The following KMT2D variants were observed in gnomAD, a reference collection of about 807,000 sequenced individuals.
The protein encoded by KMT2D is lysine methyltransferase 2D, also known as histone-lysine N-methyltransferase 2D.
A neutral mutation model predicts 512.7 loss-of-function variants in KMT2D; 55 were observed. The ratio of observed to expected loss-of-function variants is 0.11; its 90% CI spans 0.09 to 0.13. The LOEUF is 0.13. KMT2D is among the 10% of genes least tolerant of loss of function. KMT2D has a pLI of 1.00. For synonymous variants in KMT2D, 2,995 were observed against 2,904.0 expected, an observed-to-expected ratio of 1.03 and a Z score of -1.01; for missense variants, 6,061 against 7,127.9, an observed-to-expected ratio of 0.85 and a Z score of 5.39.
At chr12:49,043,224 G>T (rs762810498) in intron 25 of KMT2D, 38 bp from the exon 26 acceptor site, 1 of 1,584,352 alleles carries the variant, frequency 6.3e-7, no homozygotes, top group Non-Finnish European at 8.7e-7. Context: ...TCAAGGCCAG[G>T]ATGGGTCATG....
chr12:49,028,243 C>T lies in KMT2D; in HGVS notation c.14383-102G>A, dbSNP rs1216605774. ...GGACAAGGACACCTAGAACCCACTCCCCAGGGTAGTTCTATCCTATGTCAC... is the reference window on the plus strand; with the variant it reads ...GGACAAGGACACCTAGAACCCACTCTCCAGGGTAGTTCTATCCTATGTCAC... On this transcript the variant is annotated intron_variant, in intron 46 of 54. Transcript: ENST00000301067. 2.3e-5 allele frequency: 32 copies of T among 1,407,418 alleles called. 2 individuals carry two copies. The South Asian group carries it at 2.6e-4, about 11-fold the overall frequency. The allele number at this position is 1,407,418 out of a possible 1,614,324, so 87.2% of individuals were successfully genotyped here.
At chr12:49,028,280 CAT>C in intron 46 of KMT2D, 139 bp from the exon 47 acceptor site, 1 of 1,043,162 alleles carries the variant, frequency 9.6e-7, no homozygotes, top group South Asian at 1.6e-5. Flanking sequence ...CAGCTCTTTT[CAT>C]ACACTTCCCT....
chr12:49,019,773 T>C lies in KMT2D; in HGVS notation c.*2007A>G. The C allele has an allele frequency of 4.3e-6, 1 of 232,570 alleles. No homozygotes were observed. The highest frequency in any genetic ancestry group is 6.1e-5 in the East Asian group (1 of 16,486). 14.4% of individuals were successfully genotyped at this position (232,570 alleles called of 1,614,324 possible). ...TGTTATTCTCTTAAACATTTGCAGCTTGAAACAGTTGAGGAAGCAGCTTTA... is the reference window on the plus strand; with the variant it reads ...TGTTATTCTCTTAAACATTTGCAGCCTGAAACAGTTGAGGAAGCAGCTTTA... On this transcript the variant is annotated 3_prime_UTR_variant, in exon 55 of 55. Coordinates refer to ENST00000301067, the MANE Select transcript of KMT2D (RefSeq NM_003482.4).
rs727503982 is a variant in KMT2D, at chr12:49,032,444, G to T, written c.12261C>A (p.Ser4087Arg). ...LVQPQPQPQP[S>R]SLQLQPPLRL... ...TCAGAGGTGGCTGCAGCTGCAGAGA[G>T]CTGGGCTGAGGCTGGGGCTGGGGTT... The change falls in exon 40 of 55, where the codon AGC becomes AGA. Residue 4087 changes from serine to arginine, a missense_variant. This residue lies in a region of KMT2D where 1,600 missense variants were observed against 1,754.9 expected (regional missense o/e 0.91). Transcript: ENST00000301067. The T allele has an allele frequency of 2.5e-6, 4 of 1,572,750 alleles. No homozygotes were observed. Among genetic ancestry groups the T allele is most frequent in the Non-Finnish European group, 3.5e-6 (4 of 1,158,814 alleles).
chr12:49,022,818 G>A lies in KMT2D; in HGVS notation c.16110C>T (p.Gly5370=), dbSNP rs372456802. ...MSKAYQSTFT[G]ETNTPYSKQF... ...GCTTGCTGTAGGGGGTGTTGGTCTC[G>A]CCTGTGAAGGTGCTCTGATATGCCT... Residue 5370 remains glycine (G), a synonymous_variant, in exon 52 of 55, where the codon GGC becomes GGT. Coordinates refer to ENST00000301067, the MANE Select transcript of KMT2D (RefSeq NM_003482.4). The surrounding 1 kb of genome is among the most constrained non-coding windows in gnomAD (Gnocchi z 8.6). 1.1e-5 allele frequency: 17 copies of A among 1,613,470 alleles called. No individual in the cohort carries two copies. Among genetic ancestry groups the A allele is most frequent in the South Asian group, 2.2e-5 (2 of 91,056 alleles).
rs1220213628 is a variant in KMT2D at position 49,022,740 on chromosome 12, C to T, written c.16188G>A (p.Lys5396=). The T allele has an allele frequency of 6.2e-7, 1 of 1,614,020 alleles. No homozygotes were observed. The highest frequency in any genetic ancestry group is 1.3e-5 in the African/African-American group (1 of 75,054). The change falls in exon 52 of 55, where the codon AAG becomes AAA. Residue 5396 remains lysine, a synonymous_variant. Coordinates refer to ENST00000301067, the MANE Select transcript of KMT2D (RefSeq NM_003482.4). The surrounding 1 kb of genome is among the most constrained non-coding windows in gnomAD (Gnocchi z 8.6). ...SQYRRLRTEW[K]NNVYLARSRI... ...GGGAGCGAGCCAGGTACACGTTGTT[C>T]TTCCATTCGGTGCGCAGCCGCCGGT...
chr12:49,025,275 G>C (rs1396890345), intron 49 of KMT2D, among the ~76,000 whole-genome samples: 1 of 152,200 alleles, frequency 6.6e-6, no homozygotes, highest in Non-Finnish European at 1.5e-5. Context: ...TACTGGTCAT[G>C]AGACCTTGAG....
At chr12:49,055,432 G>C in intron 1 of KMT2D, 71 bp from the exon 2 acceptor site, 1 of 981,152 alleles carries the variant, frequency 1.0e-6, no homozygotes, top group Non-Finnish European at 1.5e-6. Flanking sequence ...CAGAATCCTG[G>C]GAAGAAGGCA....
In KMT2D at chr12:49,018,999, A is replaced by G; in HGVS notation, c.*2781T>C. ...CTTGTATTTAAAATGTTCTTTTTTT[A>G]TTTGTCGTTTAAAAACAAACTTGGA... is the stretch of plus-strand genomic sequence containing the variant. On this transcript the variant is annotated 3_prime_UTR_variant, in exon 55 of 55. Transcript: ENST00000301067. 7.1e-7 allele frequency: 1 copy of G among 1,401,194 alleles called. No homozygotes were observed. The highest frequency in any genetic ancestry group is 9.2e-7 in the Non-Finnish European group (1 of 1,081,714). The allele number at this position is 1,401,194 out of a possible 1,614,324, so 86.8% of individuals were successfully genotyped here. A position where few individuals can be genotyped will look rare whatever the true frequency, so the allele number is the denominator to read the frequency against.
In KMT2D at chr12:49,019,691, C is replaced by T. The variant is rs1357695341; in HGVS notation, c.*2089G>A. On this transcript the variant is annotated 3_prime_UTR_variant, in exon 55 of 55. Coordinates refer to ENST00000301067, the MANE Select transcript of KMT2D (RefSeq NM_003482.4). The stretch of plus-strand genomic sequence containing the variant: ...CCAAGGGCTGTGGCTTTGAGGGCAG[C>T]AGCCCAGTCTTCCTACTGTCTGATT... 8.6e-6 allele frequency: 2 copies of T among 231,884 alleles called. No homozygotes were observed. The highest frequency in any genetic ancestry group is 1.7e-5 in the Non-Finnish European group (2 of 116,954). 14.4% of individuals were successfully genotyped at this position (231,884 alleles called of 1,614,324 possible). A position where few individuals can be genotyped will look rare whatever the true frequency, so the allele number is the denominator to read the frequency against.
rs752428122 is a variant in KMT2D at position 49,037,926 on chromosome 12, C to T, written c.9430G>A (p.Ala3144Thr). The T allele has an allele frequency of 1.5e-5, 24 of 1,604,260 alleles. No homozygotes were observed. Among genetic ancestry groups the T allele is most frequent in the Middle Eastern group, 3.3e-4 (2 of 6,080 alleles). Residue 3144 changes from alanine (A) to threonine (T), a missense_variant, in exon 35 of 55, where the codon GCA becomes ACA. Ala to Thr is a moderately conservative substitution (Grantham distance 58, BLOSUM62 0). Transcript: ENST00000301067. Reference sequence around the variant, plus strand: ...AGGCCAAGGGAATTGGCAGCAGGTGCGGGCTCTACCTTGGGGGTAGCAATG... The same window carrying T: ...AGGCCAAGGGAATTGGCAGCAGGTGTGGGCTCTACCTTGGGGGTAGCAATG... ...FTIATPKVEP[A>T]PAANSLGLGL...
intron 35 of KMT2D, among the ~76,000 whole-genome samples, chr12:49,036,698 T>A (rs1407205279): frequency 6.6e-6 from 1 of 151,852 alleles, no homozygotes; most frequent in Non-Finnish European, 1.5e-5. Context: ...TGGGGTTTCA[T>A]CATCTTGGCC....
rs2120532950 is a variant in KMT2D, at chr12:49,040,705, G to A, written c.7065C>T (p.Ala2355=). 1.2e-6 allele frequency: 2 copies of A among 1,613,758 alleles called. No homozygotes were observed. The highest frequency in any genetic ancestry group is 1.1e-5 in the South Asian group (1 of 91,078). Residue 2355 remains alanine, a synonymous_variant, in exon 32 of 55, where the codon GCC becomes GCT. Coordinates refer to ENST00000301067, the MANE Select transcript of KMT2D (RefSeq NM_003482.4). The part of the protein sequence containing the change: ...LGLRPQEPPP[A]QALAPSPPSH... ...TTGGAGGAGAAGGTGCCAAAGCCTG[G>A]GCAGGGGGTGGCTCCTGGGGCCTTA... is the stretch of plus-strand genomic sequence containing the variant.
intron 40 of KMT2D, 22 bp from the exon 41 acceptor site, chr12:49,031,055 A>T (rs2120414428): frequency 6.2e-7 from 1 of 1,613,430 alleles, no homozygotes; most frequent in Non-Finnish European, 8.5e-7. Flanking sequence ...AAGCCCATTG[A>T]AGGCTGCTAC....
At position 49,037,775 on chromosome 12, in the gene KMT2D, T is replaced by C. The variant is rs2120485490; in HGVS notation, c.9581A>G (p.His3194Arg). ...ACTCAGTGGGCTGGGGGTCAGCAGG[T>C]GAGCTGGTGGTCCTCCCGTGGCCCC... ...SFGATGGPPA[H>R]LLTPSPLSGP... Residue 3194 changes from histidine (H) to arginine (R), a missense_variant, in exon 35 of 55, where the codon CAC becomes CGC. Coordinates refer to ENST00000301067, the MANE Select transcript of KMT2D (RefSeq NM_003482.4). 1 of 1,595,244 alleles carries C rather than the reference T, an allele frequency of 6.3e-7. No individual in the cohort carries two copies. The highest frequency in any genetic ancestry group is 8.5e-7 in the Non-Finnish European group (1 of 1,170,636).
At position 49,032,054 on chromosome 12, in the gene KMT2D, C is replaced by A. The variant is rs1389263985; in HGVS notation, c.12651G>T (p.Gln4217His). Residue 4217 changes from glutamine (Q) to histidine (H), a missense_variant, in exon 40 of 55, where the codon CAG becomes CAT. Physicochemically the swap from Gln to His is conservative, Grantham distance 24. Transcript: ENST00000301067. ...KNPQLRHLSP[Q>H]QQQQLQALLM... is the part of the protein sequence containing the mutation. ...GGAGTGCCTGTAGCTGCTGCTGCTG[C>A]TGAGGACTTAAGTGCCGCAGCTGTG... 2 of 1,613,556 alleles carry A rather than the reference C, an allele frequency of 1.2e-6. No homozygotes were observed. The highest frequency in any genetic ancestry group is 8.5e-7 in the Non-Finnish European group (1 of 1,179,664).
chr12:49,042,418 G>A lies in KMT2D; in HGVS notation c.5868-88C>T. On this transcript the variant is annotated intron_variant, in intron 28 of 54. Coordinates refer to ENST00000301067, the MANE Select transcript of KMT2D (RefSeq NM_003482.4). The surrounding 1 kb of genome is among the most constrained non-coding windows in gnomAD (Gnocchi z 4.4). Reference sequence around the variant, plus strand: ...GCCTAGAGCCCCAGGCCACTGCCCTGCCCCAAAAGAGGAGGGTCACTAACA... The same window carrying A: ...GCCTAGAGCCCCAGGCCACTGCCCTACCCCAAAAGAGGAGGGTCACTAACA... The A allele has an allele frequency of 6.7e-7, 1 of 1,502,178 alleles. No homozygotes were observed. The highest frequency in any genetic ancestry group is 1.3e-5 in the South Asian group (1 of 76,544). The allele number at this position is 1,502,178 out of a possible 1,614,324, so 93.1% of individuals were successfully genotyped here. A position where few individuals can be genotyped will look rare whatever the true frequency, so the allele number is the denominator to read the frequency against.
In KMT2D at chr12:49,034,271, C is replaced by G. The variant is rs748001820; in HGVS notation, c.10536G>C (p.Glu3512Asp). Residue 3512 changes from glutamate (E) to aspartate (D), a missense_variant, in exon 39 of 55, where the codon GAG (glutamate) becomes GAC (aspartate). By Grantham distance (45) the Glu-to-Asp change is conservative (BLOSUM62 2). Transcript: ENST00000301067. ...INEADQRQYEEWLFHTQQLLQ... is the reference protein window; with the variant it reads ...INEADQRQYEDWLFHTQQLLQ... ...GGAGCTGCTGGGTATGGAACAGCCA[C>G]TCCTCATACTGCCGCTGGTCAGCTT... The G allele has an allele frequency of 6.2e-7, 1 of 1,613,594 alleles. No individual in the cohort carries two copies. Among genetic ancestry groups the G allele is most frequent in the Non-Finnish European group, 8.5e-7 (1 of 1,179,650 alleles).
At position 49,039,238 on chromosome 12, in the gene KMT2D, T is replaced by C. The variant is rs760368706; in HGVS notation, c.8350A>G (p.Met2784Val). ...RPPPPATPSS[M>V]DVNSRQLVGG... ...GAGCCTCACCGGCTGTTCACATCCA[T>C]AGAGGAAGGCGTGGCTGGTGGAGGT... is the stretch of plus-strand genomic sequence containing the variant. Residue 2784 changes from methionine (M) to valine (V), a missense_variant, in exon 34 of 55, where the codon ATG becomes GTG. This residue lies in a region of KMT2D where 527 missense variants were observed against 578.9 expected (regional missense o/e 0.91). Transcript: ENST00000301067. This position sits in a 1 kb window ranked among gnomAD's most constrained non-coding sequence, Gnocchi z 5.0. The C allele has an allele frequency of 5.6e-6, 9 of 1,613,628 alleles. 1 individual carries two copies. The Admixed American group carries it at 1.3e-4, about 24-fold the overall frequency.
Sources: gnomAD v4.1 joint callset for allele counts (sites outside exome capture counted in the v4.1 genomes callset) on GRCh38, gnomAD v4.1.1 for gene constraint, gnomAD v4.1.1 regional missense constraint, Gnocchi (gnomAD v3.1) non-coding constraint, MANE v1.5 for transcripts, NCBI Gene and HGNC (gene_info 2026-07-23, HGNC 2026-07-21) for gene names.